ATRNL1: variants seen among roughly 807,000 people sequenced by gnomAD.
ATRNL1 encodes the protein attractin-like protein 1.
A neutral mutation model predicts 182.7 loss-of-function variants in ATRNL1; 95 were observed. The ratio of observed to expected loss-of-function variants is 0.52; its 90% confidence interval spans 0.44 to 0.62. The LOEUF (loss-of-function observed/expected upper bound fraction) is 0.62. Ranked by LOEUF, ATRNL1 falls within the 20% of genes least tolerant of loss-of-function variation. The pLI, the probability that ATRNL1 is intolerant of heterozygous loss-of-function variation, is 0.00. For missense variants in ATRNL1, 1,471 were observed against 1,679.5 expected, an observed-to-expected ratio of 0.88 and a Z score of 2.17; for synonymous variants, 576 against 568.3, an observed-to-expected ratio of 1.01 and a Z score of -0.19.
chr10:115,220,876 T>C (rs1849435252), intron 9 of ATRNL1, among the ~76,000 whole-genome samples: 1 of 152,164 alleles, frequency 6.6e-6, no homozygotes, highest in South Asian at 2.1e-4. Context: ...AGCTTAATTA[T>C]CACTTGCCAC....
chr10:115,134,716 G>A (rs577026045), intron 5 of ATRNL1, among the ~76,000 whole-genome samples: 2 of 152,216 alleles, frequency 1.3e-5, no homozygotes, highest in South Asian at 4.1e-4. Context: ...ACCAAAGCCT[G>A]GCAGAGACAC....
At chr10:115,489,266 A>C in intron 24 of ATRNL1, among the ~76,000 whole-genome samples, 1 of 152,036 alleles carries the variant, frequency 6.6e-6, no homozygotes, top group East Asian at 1.9e-4. Context: ...CTGAGTTCAA[A>C]TCCTGGATAT....
At chr10:115,096,835 C>T (rs1161112215) in intron 1 of ATRNL1, 1 of 1,143,138 alleles carries the variant, frequency 8.7e-7, no homozygotes, top group African/African-American at 1.6e-5. Flanking sequence ...TCCTTCCTTA[C>T]ACAGGTAAAA....
At chr10:115,250,287 A>G (rs1226727708) in intron 10 of ATRNL1, among the ~76,000 whole-genome samples, 2 of 152,230 alleles carry the variant, frequency 1.3e-5, no homozygotes, top group Non-Finnish European at 2.9e-5. Context: ...TTCTATTTTT[A>G]TCTGGACCCA....
chr10:115,467,165 T>A lies in ATRNL1; in HGVS notation c.3418-9T>A. 6.3e-7 allele frequency: 1 copy of A among 1,587,056 alleles called. No homozygotes were observed. The highest frequency in any genetic ancestry group is 8.6e-7 in the Non-Finnish European group (1 of 1,159,194). ...CGTTTTTTAACCTTAATATTTTCTT[T>A]TCTGGTAGTCGAACAAAAATCTGGA... On this transcript the variant is annotated splice_polypyrimidine_tract_variant and intron_variant, in intron 22 of 28. Coordinates refer to ENST00000355044, the MANE Select transcript of ATRNL1 (RefSeq NM_207303.4).
chr10:115,321,407 T>C (rs1231522725), intron 18 of ATRNL1, among the ~76,000 whole-genome samples: 1 of 152,218 alleles, frequency 6.6e-6, no homozygotes, highest in Non-Finnish European at 1.5e-5. Context: ...TTATGGTTGT[T>C]TTATATATCC....
intron 19 of ATRNL1, among the ~76,000 whole-genome samples, chr10:115,350,592 T>G (rs536110985): frequency 6.6e-6 from 1 of 152,164 alleles, no homozygotes; most frequent in East Asian, 1.9e-4. Context: ...TATAAGTGTG[T>G]GGGTTTATTT....
chr10:115,125,045 A>G (rs1162952207), intron 3 of ATRNL1, among the ~76,000 whole-genome samples: 1 of 152,214 alleles, frequency 6.6e-6, no homozygotes, highest in Non-Finnish European at 1.5e-5. Flanking sequence ...AAAAGCATAT[A>G]TACAAAGGTA....
intron 27 of ATRNL1, among the ~76,000 whole-genome samples, chr10:115,828,322 AAAAAG>A (rs375599574): frequency 0.028 from 4,328 of 151,918 alleles, 189 homozygotes; most frequent in African/African-American, 0.09. Flanking sequence ...CGTCTCAAAA[AAAAAG>A]AAAAGAAAAG....
At chr10:115,697,536 G>A in intron 26 of ATRNL1, among the ~76,000 whole-genome samples, 1 of 152,156 alleles carries the variant, frequency 6.6e-6, no homozygotes, top group Middle Eastern at 3.4e-3. Context: ...ATGTTGCCCA[G>A]GCTGGTCTGA....
chr10:115,518,813 C>G (rs1317497759), intron 24 of ATRNL1, among the ~76,000 whole-genome samples: 1 of 151,830 alleles, frequency 6.6e-6, no homozygotes, highest in Admixed American at 6.6e-5. Flanking sequence ...TTCTTATTAA[C>G]ATTAACAAGT....
Position 115,254,357 on chromosome 10 carries a change from G to T in ATRNL1, c.1688-10836G>T, listed in dbSNP as rs148861715. ...CTGGTGTGAGATTGTATCTCACTGT[G>T]GTTTTGATTTGTATTTCTCTGATGA... is the stretch of plus-strand genomic sequence containing the variant. On this transcript the variant is annotated intron_variant, in intron 10 of 28. Coordinates refer to ENST00000355044, the MANE Select transcript of ATRNL1 (RefSeq NM_207303.4). Among the ~76,000 whole-genome samples, 513 of 152,258 alleles carry T rather than the reference G, an allele frequency of 3.4e-3. 1 individual carries two copies. Among genetic ancestry groups the T allele is most frequent in the African/African-American group, 0.011 (473 of 41,544 alleles).
intron 21 of ATRNL1, among the ~76,000 whole-genome samples, chr10:115,434,056 GTTCTTTATTTGTGTGTAAAA>G (rs1198050228): frequency 2.0e-5 from 3 of 152,074 alleles, no homozygotes; most frequent in Non-Finnish European, 4.4e-5. Flanking sequence ...GAGGTATATA[GTTCTTTATTTGTGTGTAAAA>G]TGTTGAATGG....
At chr10:115,544,946 T>G (rs934378421) in intron 25 of ATRNL1, among the ~76,000 whole-genome samples, 5 of 152,228 alleles carry the variant, frequency 3.3e-5, no homozygotes, top group African/African-American at 1.2e-4. Context: ...GCAAGTGTTC[T>G]TAAACTGTTT....
In ATRNL1 at chr10:115,389,595, ATCCAATGATGGACACC is replaced by A. The variant is rs1554953892; in HGVS notation, c.3176-5062_3176-5047del. Among the ~76,000 whole-genome samples the A allele has an allele frequency of 8.0e-4, 71 of 88,896 alleles. 2 individuals carry two copies. Among genetic ancestry groups the A allele is most frequent in the African/African-American group, 2.6e-3 (67 of 25,444 alleles). The allele number at this position is 88,896 out of a possible 152,430, so 58.3% of individuals were successfully genotyped here. On this transcript the variant is annotated intron_variant, in intron 19 of 28. Transcript: ENST00000355044. ...ATATATATATATATATATATATTTC[ATCCAATGATGGACACC>A]TAGGTTGCATCTATATTGTAGCTAT...
intron 22 of ATRNL1, 151 bp downstream of exon 22, chr10:115,462,186 C>T: frequency 2.0e-6 from 1 of 489,636 alleles, no homozygotes; most frequent in Admixed American, 4.0e-5. Flanking sequence ...CTTCGTGATT[C>T]AATAATTTGT....
chr10:115,147,371 C>A (rs1554879638), intron 5 of ATRNL1, among the ~76,000 whole-genome samples: 1 of 151,828 alleles, frequency 6.6e-6, no homozygotes, highest in Non-Finnish European at 1.5e-5. Flanking sequence ...ATTTTAGGTC[C>A]CTGTCAGTAA....
At chr10:115,857,463 A>T (rs1951215266) in intron 28 of ATRNL1, among the ~76,000 whole-genome samples, 1 of 152,244 alleles carries the variant, frequency 6.6e-6, no homozygotes, top group Non-Finnish European at 1.5e-5. Context: ...GAAAACTTTT[A>T]CATCAAAATG....
chr10:115,102,434 GTA>G (rs1375481816), intron 1 of ATRNL1, among the ~76,000 whole-genome samples: 4 of 151,260 alleles, frequency 2.6e-5, no homozygotes, highest in Admixed American at 2.6e-4. Flanking sequence ...ATGTATATGT[GTA>G]TATATATATA....
Sources: gnomAD v4.1 joint callset for allele counts (sites outside exome capture counted in the v4.1 genomes callset) on GRCh38, gnomAD v4.1.1 for gene constraint, MANE v1.5 for transcripts, NCBI Gene and HGNC (gene_info 2026-07-23, HGNC 2026-07-21) for gene names.